Variants in C6 observed in about 807,000 individuals in gnomAD.
C6 encodes complement C6, also known as complement component C6.
In C6, 101 loss-of-function variants were observed where a neutral mutation model predicts 112.9. That is an observed-to-expected ratio of 0.89 (90% CI 0.76 to 1.06). The LOEUF (loss-of-function observed/expected upper bound fraction) is 1.06. Ranked by LOEUF, C6 falls within the 50% of genes least tolerant of loss-of-function variation. The pLI is 0.00. For missense variants in C6, 1,202 were observed against 1,104.6 expected (o/e 1.09, Z -1.25); for synonymous variants, 431 against 384.1 (o/e 1.12, Z -1.43).
At chr5:41,156,585 A>T (rs1746936126) in intron 13 of C6, among the ~76,000 whole-genome samples, 1 of 152,168 alleles carries the variant, frequency 6.6e-6, no homozygotes, top group Non-Finnish European at 1.5e-5. Context: ...TGTTCTTCTG[A>T]GAATTGAAGT....
intron 5 of C6, among the ~76,000 whole-genome samples, chr5:41,192,462 T>C (rs1174241339): frequency 6.6e-6 from 1 of 152,186 alleles, no homozygotes; most frequent in Non-Finnish European, 1.5e-5. Flanking sequence ...TTGGTATTAG[T>C]TCTTACAAAG....
intron 1 of C6, among the ~76,000 whole-genome samples, chr5:41,223,406 G>GT (rs1368424509): frequency 6.6e-6 from 1 of 152,190 alleles, no homozygotes; most frequent in Non-Finnish European, 1.5e-5. Context: ...AATAGGCTGG[G>GT]TGTCTGGGCA....
intron 14 of C6, 143 bp from the exon 15 acceptor site, chr5:41,154,141 C>T: frequency 5.6e-6 from 4 of 716,164 alleles, no homozygotes; most frequent in East Asian, 2.7e-5. Flanking sequence ...ATCAGAAAAC[C>T]TGGGGGATAA....
intron 1 of C6, among the ~76,000 whole-genome samples, chr5:41,240,845 T>C (rs1239306376): frequency 6.6e-6 from 1 of 152,030 alleles, no homozygotes; most frequent in Non-Finnish European, 1.5e-5. Flanking sequence ...TCTCTTTAGG[T>C]CTCCCCTCCA....
At chr5:41,232,801 T>C (rs1403171629) in intron 1 of C6, among the ~76,000 whole-genome samples, 1 of 152,002 alleles carries the variant, frequency 6.6e-6, no homozygotes, top group Non-Finnish European at 1.5e-5. Context: ...TCATAGCACC[T>C]TATTTTTTGT....
intron 17 of C6, among the ~76,000 whole-genome samples, chr5:41,143,702 A>G (rs1279908207): frequency 1.3e-5 from 2 of 152,206 alleles, no homozygotes; most frequent in African/African-American, 2.4e-5. Context: ...TAAATAATAC[A>G]TGACTCACAG....
At chr5:41,208,510 T>A (rs1202301360) in intron 1 of C6, among the ~76,000 whole-genome samples, 3 of 151,198 alleles carry the variant, frequency 2.0e-5, no homozygotes, top group African/African-American at 7.3e-5. Flanking sequence ...AAGAATGAAA[T>A]AGACACAATA....
intron 4 of C6, among the ~76,000 whole-genome samples, chr5:41,197,458 G>T (rs1259229221): frequency 1.3e-5 from 2 of 152,076 alleles, no homozygotes; most frequent in African/African-American, 4.8e-5. Context: ...ATTAAAATAT[G>T]AATCTATACA....
rs1373785965 is a variant in C6, at chr5:41,149,987, G to T, written c.2329C>A (p.Gln777Lys). ...TKLKGHCQLG[Q>K]KQSGSECICM... is the part of the protein sequence containing the mutation. ...ATGCATTCAGATCCTGATTGTTTCT[G>T]TCCCAGCTGACAATGGCCTTTTAAT... The change falls in exon 16 of 18, where the codon CAG becomes AAG. Residue 777 changes from glutamine to lysine, a missense_variant. Physicochemically the swap from Gln to Lys is moderately conservative, Grantham distance 53 (BLOSUM62 1). Coordinates refer to ENST00000337836, the MANE Select transcript of C6 (RefSeq NM_000065.5). 1.9e-6 allele frequency: 3 copies of T among 1,613,016 alleles called. No individual in the cohort carries two copies. Among genetic ancestry groups the T allele is most frequent in the Admixed American group, 1.7e-5 (1 of 59,972 alleles).
At chr5:41,203,449 C>T (rs535096696) in intron 1 of C6, 199 bp from the exon 2 acceptor site, 1 of 541,282 alleles carries the variant, frequency 1.8e-6, no homozygotes, top group East Asian at 3.4e-5. Context: ...GTGGAGATTA[C>T]CATAGGCACA....
At chr5:41,156,116 T>C (rs1342294786) in intron 13 of C6, among the ~76,000 whole-genome samples, 2 of 152,124 alleles carry the variant, frequency 1.3e-5, no homozygotes, top group Admixed American at 6.6e-5. Flanking sequence ...TTTACCACCC[T>C]CACCTCCTGC....
chr5:41,219,175 T>C (rs916126947), intron 1 of C6, among the ~76,000 whole-genome samples: 5 of 152,176 alleles, frequency 3.3e-5, no homozygotes, highest in Non-Finnish European at 4.4e-5. Context: ...TGCACAATTA[T>C]GTCACACAAT....
intron 1 of C6, among the ~76,000 whole-genome samples, chr5:41,229,596 A>G (rs1035920007): frequency 1.3e-5 from 2 of 151,922 alleles, no homozygotes; most frequent in African/African-American, 4.8e-5. Flanking sequence ...GTGGCCTAAC[A>G]TGTGATCTAT....
Position 41,203,125 on chromosome 5 carries a change from A to G in C6, c.106T>C (p.Ser36Pro), listed in dbSNP as rs1221550715. 3.1e-6 allele frequency: 5 copies of G among 1,613,978 alleles called. No homozygotes were observed. The highest frequency in any genetic ancestry group is 4.2e-6 in the Non-Finnish European group (5 of 1,179,982). Residue 36 changes from serine (S) to proline (P), a missense_variant, in exon 2 of 18, where the codon TCA becomes CCA. Coordinates refer to ENST00000337836, the MANE Select transcript of C6 (RefSeq NM_000065.5). ...TGGGTTCCAGAATTGCAAGTTTTTG[A>G]GCAGCTGGTCCACTGAGTCCATGCA... is the stretch of plus-strand genomic sequence containing the variant. ...HYAWTQWTSC[S>P]KTCNSGTQSR...
At chr5:41,179,867 G>A (rs999332324) in intron 7 of C6, among the ~76,000 whole-genome samples, 6 of 151,840 alleles carry the variant, frequency 4.0e-5, no homozygotes, top group African/African-American at 1.5e-4. Flanking sequence ...AATAAGAAAA[G>A]TAAGCAAAAA....
chr5:41,224,970 G>A (rs139123020), intron 1 of C6, among the ~76,000 whole-genome samples: 5,955 of 151,998 alleles, frequency 0.039, 203 homozygotes, highest in Admixed American at 0.1. Flanking sequence ...GGAAATTTGC[G>A]TATCCTTGAT....
intron 11 of C6, chr5:41,159,517 C>G (rs1233046242): frequency 5.1e-6 from 5 of 974,386 alleles, no homozygotes; most frequent in African/African-American, 1.8e-5. Context: ...GTTAAGAAAC[C>G]TCTGTATTCT....
At position 41,206,787 on chromosome 5, in the gene C6, G is replaced by A. The variant is rs149635964; in HGVS notation, c.-20-3537C>T. 9.6e-4 allele frequency among the ~76,000 whole-genome samples: 146 copies of A among 152,252 alleles called. 2 individuals carry two copies. The South Asian group carries it at 0.029, about 31-fold the overall frequency. On this transcript the variant is annotated intron_variant, in intron 1 of 17. Transcript: ENST00000337836. ...AAAGTGACAGGGCGAGTGGAACCGA[G>A]TTGGAAAACACTCTGCAGGATATTA...
At chr5:41,168,580 C>A (rs1441181595) in intron 9 of C6, among the ~76,000 whole-genome samples, 2 of 152,092 alleles carry the variant, frequency 1.3e-5, no homozygotes, top group Non-Finnish European at 2.9e-5. Flanking sequence ...TACAGTCTTT[C>A]TTTGACTCCT....
Sources: allele counts gnomAD v4.1 joint callset (sites outside exome capture counted in the v4.1 genomes callset), GRCh38; gene constraint gnomAD v4.1.1; transcripts MANE v1.5; gene names NCBI Gene and HGNC (gene_info 2026-07-23, HGNC 2026-07-21).